EFCAB3: variants seen among roughly 807,000 people sequenced by gnomAD.
EFCAB3 encodes the protein EF-hand calcium-binding domain-containing protein 3.
Under a neutral mutation model 42.2 loss-of-function variants are expected in EFCAB3, and 36 were observed. The ratio of observed to expected loss-of-function variants is 0.85; its 90% CI spans 0.65 to 1.13. EFCAB3 has a LOEUF of 1.13. Ranked by LOEUF, EFCAB3 falls within the 50% of genes most tolerant of loss-of-function variation. EFCAB3 has a pLI of 0.00. For missense variants in EFCAB3, 418 were observed against 505.1 expected (o/e 0.83, Z 1.65); for synonymous variants, 170 against 172.8 (o/e 0.98, Z 0.13).
intron 2 of EFCAB3, among the ~76,000 whole-genome samples, chr17:62,384,715 C>G (rs578057812): frequency 6.6e-6 from 1 of 152,308 alleles, no homozygotes; most frequent in South Asian, 2.1e-4. Context: ...CTACATCATG[C>G]AAAAGAAATT....
intron 2 of EFCAB3, among the ~76,000 whole-genome samples, chr17:62,383,341 G>A (rs2070220583): frequency 1.3e-5 from 2 of 152,080 alleles, no homozygotes; most frequent in African/African-American, 4.8e-5. Flanking sequence ...AGGCATGGTG[G>A]TGTGCGCCTG....
Position 62,406,503 on chromosome 17 carries a change from A to C in EFCAB3, c.512A>C (p.His171Pro). 6.2e-7 allele frequency: 1 copy of C among 1,602,450 alleles called. No individual in the cohort carries two copies. The highest frequency in any genetic ancestry group is 8.5e-7 in the Non-Finnish European group (1 of 1,173,958). Residue 171 changes from histidine to proline, a missense_variant, in exon 7 of 10, where the codon CAT (histidine) becomes CCT (proline). Transcript: ENST00000305286. ...AGCTATTTCCAAAGAAAATTCCAGC[A>C]TACTGGCCCAGGAATGTTGTGGAGT... ...IVSYFQRKFQ[H>P]TGPGMLWSPY...
intron 2 of EFCAB3, among the ~76,000 whole-genome samples, chr17:62,374,995 T>G (rs909858162): frequency 6.6e-6 from 1 of 152,156 alleles, no homozygotes; most frequent in Non-Finnish European, 1.5e-5. Flanking sequence ...ACACCTGTAG[T>G]TCCAGCTACT....
rs1598020066 is a variant in EFCAB3, at chr17:62,406,805, C to T, written c.682+132C>T. ...TATTCTGAGTGACCACTCTCTGTCA[C>T]ATAGATGTCATTTGAAAGCAAATGT... On this transcript the variant is annotated intron_variant, in intron 7 of 9. Transcript: ENST00000305286. 6.1e-6 allele frequency: 6 copies of T among 986,362 alleles called. 1 individual carries two copies. Among genetic ancestry groups the T allele is most frequent in the Admixed American group, 5.8e-5 (2 of 34,536 alleles). The allele number at this position is 986,362 out of a possible 1,614,324, so 61.1% of individuals were successfully genotyped here.
intron 2 of EFCAB3, among the ~76,000 whole-genome samples, chr17:62,386,783 G>T (rs1567722217): frequency 1.3e-5 from 2 of 150,146 alleles, no homozygotes; most frequent in East Asian, 2.0e-4. Context: ...ATCGTAACTG[G>T]TTTTTTGGGG....
chr17:62,396,040 C>A (rs2070345612), intron 6 of EFCAB3, among the ~76,000 whole-genome samples: 2 of 152,150 alleles, frequency 1.3e-5, no homozygotes, highest in Admixed American at 1.3e-4. Flanking sequence ...GTAAAGCCTG[C>A]TGTTGGTACA....
chr17:62,401,453 A>G (rs1212265069), intron 6 of EFCAB3, among the ~76,000 whole-genome samples: 2 of 152,134 alleles, frequency 1.3e-5, no homozygotes, highest in East Asian at 1.9e-4. Context: ...TCCTTCTTGA[A>G]TTAATTTTTG....
chr17:62,383,581 G>A (rs79029644), intron 2 of EFCAB3, among the ~76,000 whole-genome samples: 7,744 of 151,998 alleles, frequency 0.051, 702 homozygotes, highest in African/African-American at 0.18. Flanking sequence ...ACAAAACATC[G>A]GAATTGAAGA....
chr17:62,402,836 T>C (rs1269179471), intron 6 of EFCAB3, among the ~76,000 whole-genome samples: 1 of 152,226 alleles, frequency 6.6e-6, no homozygotes, highest in East Asian at 1.9e-4. Flanking sequence ...CCTCTTTTTC[T>C]ATTGATTGGA....
At chr17:62,373,010 G>A (rs1034810300) in intron 1 of EFCAB3, among the ~76,000 whole-genome samples, 4 of 152,232 alleles carry the variant, frequency 2.6e-5, no homozygotes, top group Non-Finnish European at 5.9e-5. Flanking sequence ...GCCAGGCACA[G>A]TGGCTTAAGC....
chr17:62,399,294 A>G (rs2070381140), intron 6 of EFCAB3, among the ~76,000 whole-genome samples: 1 of 151,676 alleles, frequency 6.6e-6, no homozygotes, highest in Non-Finnish European at 1.5e-5. Context: ...CAGCCTCCCA[A>G]ATGCCTGAGA....
intron 3 of EFCAB3, among the ~76,000 whole-genome samples, chr17:62,388,156 A>G (rs2070271404): frequency 6.6e-6 from 1 of 152,158 alleles, no homozygotes; most frequent in African/African-American, 2.4e-5. Context: ...GGTTGCAGTA[A>G]GCCGAGATCG....
chr17:62,380,427 G>T (rs764755436), upstream of EFCAB3: 49 of 236,038 alleles, frequency 2.1e-4, no homozygotes, highest in South Asian at 3.1e-4. Context: ...TATACACCAA[G>T]GGTGCTGAAT....
At chr17:62,406,781 A>G in intron 7 of EFCAB3, 108 bp downstream of exon 7, 4 of 1,170,536 alleles carry the variant, frequency 3.4e-6, no homozygotes, top group South Asian at 1.5e-5. Flanking sequence ...ACTGCAGCCT[A>G]TTCTGAGTGA....
At position 62,391,854 on chromosome 17, in the gene EFCAB3, G is replaced by C; in HGVS notation, c.184G>C (p.Asp62His). The C allele has an allele frequency of 6.2e-7, 1 of 1,613,542 alleles. No individual in the cohort carries two copies. Among genetic ancestry groups the C allele is most frequent in the Non-Finnish European group, 8.5e-7 (1 of 1,179,754 alleles). ...FQDAYNFFYK[D>H]KTGCIDFHGL... ...AGATGCCTACAACTTCTTCTACAAG[G>C]ACAAAACTGGCTGTATTGATTTCCA... Residue 62 changes from aspartate (D) to histidine (H), a missense_variant, in exon 4 of 10, where the codon GAC becomes CAC. Transcript: ENST00000305286.
chr17:62,397,051 G>C (rs1474586369), intron 6 of EFCAB3, among the ~76,000 whole-genome samples: 1 of 152,102 alleles, frequency 6.6e-6, no homozygotes, highest in Non-Finnish European at 1.5e-5. Flanking sequence ...CTATATTTTA[G>C]CACAGTCTGA....
chr17:62,393,402 T>G (rs72845570), intron 4 of EFCAB3, among the ~76,000 whole-genome samples, 171 bp from the exon 5 acceptor site: 233 of 152,300 alleles, frequency 1.5e-3, no homozygotes, highest in Admixed American at 2.5e-3. Context: ...GATGTAATGG[T>G]GCTAAGACCA....
chr17:62,374,701 C>T (rs1173034620), intron 2 of EFCAB3, among the ~76,000 whole-genome samples: 3 of 152,202 alleles, frequency 2.0e-5, no homozygotes, highest in Non-Finnish European at 2.9e-5. Flanking sequence ...CACACACGTA[C>T]AACCTCAATC....
intron 6 of EFCAB3, among the ~76,000 whole-genome samples, chr17:62,402,601 T>C (rs897638795): frequency 2.6e-5 from 4 of 152,230 alleles, no homozygotes; most frequent in African/African-American, 9.6e-5. Flanking sequence ...TTTATTGATT[T>C]GCATATGTTG....
Sources: allele counts gnomAD v4.1 joint callset (sites outside exome capture counted in the v4.1 genomes callset), GRCh38; gene constraint gnomAD v4.1.1; transcripts MANE v1.5; gene names NCBI Gene and HGNC (gene_info 2026-07-23, HGNC 2026-07-21).